Variants in KAT2B observed in about 807,000 individuals in gnomAD.
The protein encoded by KAT2B is histone acetyltransferase KAT2B.
A neutral mutation model predicts 105.9 loss-of-function variants in KAT2B; 36 were observed. The ratio of observed to expected loss-of-function variants is 0.34; its 90% CI spans 0.26 to 0.45. The LOEUF is 0.45. Among genes scored for constraint, KAT2B ranks in the 20% least tolerant of loss-of-function variants. KAT2B has a pLI of 1.00. For synonymous variants in KAT2B, 397 were observed against 377.9 expected (o/e 1.05, Z -0.59); for missense variants, 820 against 1,021.6 (o/e 0.80, Z 2.69).
chr3:20,084,475 T>A (rs1698579208), intron 2 of KAT2B, among the ~76,000 whole-genome samples: 1 of 152,200 alleles, frequency 6.6e-6, no homozygotes, highest in South Asian at 2.1e-4. Context: ...AAACTGTTGC[T>A]GCTTTATTTA....
At position 20,149,703 on chromosome 3, in the gene KAT2B, C is replaced by T. The variant is rs116523332; in HGVS notation, c.2305+1216C>T. The stretch of plus-strand genomic sequence containing the variant: ...AGTGAACACACATCTATATGCTTTT[C>T]TTTCTCTCTTCTCTCTGACTTACCA... On this transcript the variant is annotated intron_variant, in intron 17 of 17. Coordinates refer to ENST00000263754, the MANE Select transcript of KAT2B (RefSeq NM_003884.5). Among the ~76,000 whole-genome samples the T allele has an allele frequency of 4.8e-3, 727 of 152,106 alleles. 12 individuals carry two copies. Among genetic ancestry groups the T allele is most frequent in the African/African-American group, 0.016 (676 of 41,482 alleles).
chr3:20,107,499 A>T (rs1699042222), intron 5 of KAT2B, among the ~76,000 whole-genome samples: 1 of 151,396 alleles, frequency 6.6e-6, no homozygotes, highest in Non-Finnish European at 1.5e-5. Flanking sequence ...CTCTATTAAA[A>T]ATACAAAAAT....
intron 8 of KAT2B, among the ~76,000 whole-genome samples, chr3:20,120,993 A>G (rs1013322354): frequency 9.2e-5 from 14 of 152,034 alleles, no homozygotes; most frequent in African/African-American, 2.9e-4. Context: ...AAAAAAAATC[A>G]TAAACACCAT....
Position 20,145,256 on chromosome 3 carries a change from G to A in KAT2B, c.2005-1060G>A, listed in dbSNP as rs546998177. ...GTTTCTTTTTGCCTTTTAAAAATGC[G>A]GCTAGTAGAAAAATTTAAATTACAT... On this transcript the variant is annotated intron_variant, in intron 13 of 17. Transcript: ENST00000263754. 7.2e-5 allele frequency among the ~76,000 whole-genome samples: 11 copies of A among 152,120 alleles called. No individual in the cohort carries two copies. The South Asian group carries it at 1.5e-3, about 20-fold the overall frequency.
At chr3:20,052,105 T>C (rs1008106496) in intron 1 of KAT2B, among the ~76,000 whole-genome samples, 8 of 152,240 alleles carry the variant, frequency 5.3e-5, no homozygotes, top group African/African-American at 1.9e-4. Context: ...CACTTTTCTC[T>C]GCCATGTATC....
intron 2 of KAT2B, among the ~76,000 whole-genome samples, chr3:20,078,495 C>G (rs1698459402): frequency 6.6e-6 from 1 of 151,884 alleles, no homozygotes; most frequent in South Asian, 2.1e-4. Context: ...ACTTCAGCCT[C>G]TCGAGTAGCT....
At chr3:20,054,534 G>A (rs1460661249) in intron 1 of KAT2B, among the ~76,000 whole-genome samples, 1 of 152,166 alleles carries the variant, frequency 6.6e-6, no homozygotes, top group African/African-American at 2.4e-5. Context: ...GTAACCTCAG[G>A]GCAAGTTGTA....
intron 13 of KAT2B, 93 bp from the exon 14 acceptor site, chr3:20,146,221 CTG>C (rs1272304727): frequency 5.5e-6 from 4 of 721,386 alleles, no homozygotes; most frequent in East Asian, 5.0e-5. Context: ...ATAAAAAAGA[CTG>C]TTTTGTTAGG....
chr3:20,132,686 G>A (rs934175289), intron 11 of KAT2B, among the ~76,000 whole-genome samples: 9 of 152,196 alleles, frequency 5.9e-5, no homozygotes, highest in Admixed American at 2.6e-4. Flanking sequence ...AAAAGACACA[G>A]CCCTTTCTCA....
chr3:20,115,705 C>T (rs1308537545), intron 7 of KAT2B, among the ~76,000 whole-genome samples: 1 of 152,100 alleles, frequency 6.6e-6, no homozygotes, highest in Non-Finnish European at 1.5e-5. Context: ...GAGTAATGAC[C>T]ACTGCCATCA....
chr3:20,070,238 A>G lies in KAT2B; in HGVS notation c.304-2095A>G, dbSNP rs534221610. 1.6e-3 allele frequency among the ~76,000 whole-genome samples: 241 copies of G among 152,196 alleles called. 3 individuals carry two copies. The highest frequency in any genetic ancestry group is 5.6e-3 in the African/African-American group (234 of 41,530). ...TGGCCCACTGAAAAGGACTCATTCA[A>G]AGGCAGATTTTTCTTCTACCATGAC... is the stretch of plus-strand genomic sequence containing the variant. On this transcript the variant is annotated intron_variant, in intron 1 of 17. Transcript: ENST00000263754.
chr3:20,149,495 C>CAAAAAAAAAAAAAAAGA, intron 17 of KAT2B, among the ~76,000 whole-genome samples: 1 of 42,448 alleles, frequency 2.4e-5, no homozygotes, highest in Non-Finnish European at 3.8e-5. Flanking sequence ...GACCGTATCT[C>CAAAAAAAAAAAAAAAGA]AAAAAAAAAA....
At chr3:20,072,011 C>T (rs1470936877) in intron 1 of KAT2B, among the ~76,000 whole-genome samples, 1 of 152,110 alleles carries the variant, frequency 6.6e-6, no homozygotes, top group African/African-American at 2.4e-5. Context: ...TTGGAATGTC[C>T]ATCTTTTGAG....
intron 11 of KAT2B, among the ~76,000 whole-genome samples, chr3:20,134,142 C>G (rs1699560070): frequency 6.6e-6 from 1 of 152,028 alleles, no homozygotes; most frequent in African/African-American, 2.4e-5. Context: ...TTACTTCATG[C>G]TTTTGCATTT....
intron 10 of KAT2B, among the ~76,000 whole-genome samples, 141 bp from the exon 11 acceptor site, chr3:20,127,261 CAGATAAAAGGATGGTCTAGCG>C (rs1368008998): frequency 2.0e-5 from 3 of 152,058 alleles, no homozygotes; most frequent in Non-Finnish European, 4.4e-5. Flanking sequence ...CTAAAAAGTT[CAGATAAAAGGATGGTCTAGCG>C]AGATAGGGGC....
intron 2 of KAT2B, among the ~76,000 whole-genome samples, chr3:20,080,097 A>C (rs960979485): frequency 6.6e-6 from 1 of 152,044 alleles, no homozygotes; most frequent in Non-Finnish European, 1.5e-5. Context: ...CCATTCCTGC[A>C]TACCTGGCTT....
intron 1 of KAT2B, among the ~76,000 whole-genome samples, chr3:20,044,434 A>G (rs1254736137): frequency 6.6e-6 from 1 of 152,066 alleles, no homozygotes; most frequent in Non-Finnish European, 1.5e-5. Context: ...AAATAAATAA[A>G]TAAATAAAAT....
At chr3:20,101,221 G>C (rs1698903975) in intron 4 of KAT2B, 66 bp from the exon 5 acceptor site, 2 of 1,292,292 alleles carry the variant, frequency 1.5e-6, no homozygotes, top group Non-Finnish European at 2.2e-6. Flanking sequence ...CATGCTGGCT[G>C]TGTGGGTGTT....
chr3:20,116,195 C>T (rs1575142855), intron 7 of KAT2B, among the ~76,000 whole-genome samples: 1 of 151,958 alleles, frequency 6.6e-6, no homozygotes, highest in African/African-American at 2.4e-5. Flanking sequence ...GAGCAGTTAG[C>T]ATTTAGTGGA....
Sources: allele counts gnomAD v4.1 joint callset (sites outside exome capture counted in the v4.1 genomes callset), GRCh38; gene constraint gnomAD v4.1.1; transcripts MANE v1.5; gene names NCBI Gene and HGNC (gene_info 2026-07-23, HGNC 2026-07-21).